TENM2: variants seen among roughly 807,000 people sequenced by gnomAD.
TENM2 encodes teneurin-2.
TENM2 carries 52 observed loss-of-function variants against 245.2 expected under a neutral mutation model. That is an observed-to-expected ratio of 0.21 (90% CI 0.17 to 0.27). The LOEUF (loss-of-function observed/expected upper bound fraction) is 0.27, where lower values mean the gene tolerates loss of function less well. Among genes scored for constraint, TENM2 ranks in the 10% least tolerant of loss-of-function variants. The pLI, the probability that TENM2 is intolerant of heterozygous loss-of-function variation, is 1.00. For missense variants in TENM2, 3,046 were observed against 3,666.8 expected, an observed-to-expected ratio of 0.83 and a Z score of 4.37; for synonymous variants, 1,363 against 1,438.9, an observed-to-expected ratio of 0.95 and a Z score of 1.19.
At chr5:168,041,403 A>G (rs1483008280) in intron 5 of TENM2, among the ~76,000 whole-genome samples, 1 of 151,704 alleles carries the variant, frequency 6.6e-6, no homozygotes, top group Admixed American at 6.6e-5. Context: ...AAAGGCAACT[A>G]CTCCTTCACC....
chr5:168,075,037 C>T (rs1348990927), intron 7 of TENM2, among the ~76,000 whole-genome samples: 1 of 152,144 alleles, frequency 6.6e-6, no homozygotes, highest in East Asian at 1.9e-4. Flanking sequence ...ACCCATCACC[C>T]AAGCAGTGTA....
chr5:168,022,497 G>A (rs928924151), intron 5 of TENM2, among the ~76,000 whole-genome samples: 79 of 152,230 alleles, frequency 5.2e-4, no homozygotes, highest in Admixed American at 1.8e-3. Context: ...ATGAGGCGCT[G>A]CATCCGGCTT....
chr5:167,530,318 G>C (rs1771405449), intron 2 of TENM2, among the ~76,000 whole-genome samples: 1 of 152,338 alleles, frequency 6.6e-6, no homozygotes, highest in Admixed American at 6.5e-5. Context: ...AATAAAGCTA[G>C]GGTGGGCCAC....
At chr5:167,731,027 G>C (rs544764098) in intron 2 of TENM2, among the ~76,000 whole-genome samples, 1 of 151,006 alleles carries the variant, frequency 6.6e-6, no homozygotes, top group Admixed American at 6.6e-5. Context: ...CTGTGTAGAT[G>C]TGGATGCAAG....
chr5:166,986,251 G>A, the TENM2 span, among the ~76,000 whole-genome samples: 6 of 152,172 alleles, frequency 3.9e-5, no homozygotes, highest in Non-Finnish European at 5.9e-5. Flanking sequence ...GCCTTAGAGT[G>A]TAAGGACATA....
At chr5:167,140,668 G>A in the TENM2 span, among the ~76,000 whole-genome samples, 1 of 152,082 alleles carries the variant, frequency 6.6e-6, no homozygotes, top group African/African-American at 2.4e-5. Context: ...GTAGGATAGG[G>A]GTGAGCGCAA....
chr5:167,559,016 A>T (rs1294299378), intron 2 of TENM2, among the ~76,000 whole-genome samples: 1 of 152,214 alleles, frequency 6.6e-6, no homozygotes, highest in Non-Finnish European at 1.5e-5. Context: ...AACAGTGTTG[A>T]TCTATACATC....
rs1278359940 is a variant in TENM2 at position 167,394,904 on chromosome 5, A to G, written c.502+19431A>G. Among the ~76,000 whole-genome samples, 4 of 152,268 alleles carry G rather than the reference A, an allele frequency of 2.6e-5. No homozygotes were observed. The East Asian group carries it at 7.7e-4, about 29-fold the overall frequency. On this transcript the variant is annotated intron_variant, in intron 2 of 28. Transcript: ENST00000518659. ...GAGCCATCAGGCCAGGCTGTAATGT[A>G]TTTTAAAATCAGGACATGTGATGCC...
the TENM2 span, among the ~76,000 whole-genome samples, chr5:167,186,636 G>A: frequency 6.6e-6 from 1 of 152,192 alleles, no homozygotes; most frequent in Non-Finnish European, 1.5e-5. Flanking sequence ...AAAAAAGCAC[G>A]TGGGTCTTCC....
intron 2 of TENM2, among the ~76,000 whole-genome samples, chr5:167,387,403 T>A (rs535198605): frequency 6.6e-6 from 1 of 152,296 alleles, no homozygotes; most frequent in South Asian, 2.1e-4. Context: ...TTGGATCAGT[T>A]CTAGGAGCTT....
At chr5:167,233,205 T>A in the TENM2 span, among the ~76,000 whole-genome samples, 1 of 152,304 alleles carries the variant, frequency 6.6e-6, no homozygotes, top group East Asian at 1.9e-4. Flanking sequence ...AGGAATTAGA[T>A]AAATATTTTC....
the TENM2 span, among the ~76,000 whole-genome samples, chr5:167,108,582 G>T: frequency 2.0e-5 from 3 of 152,194 alleles, no homozygotes; most frequent in African/African-American, 7.2e-5. Flanking sequence ...AAAATCTGCA[G>T]TTTCGTCAGT....
intron 4 of TENM2, among the ~76,000 whole-genome samples, chr5:167,955,039 C>T (rs1170010070): frequency 6.6e-6 from 1 of 152,194 alleles, no homozygotes; most frequent in Non-Finnish European, 1.5e-5. Flanking sequence ...TGAGGAATCA[C>T]CACACTGTCT....
At chr5:167,993,458 A>C (rs930209185) in intron 5 of TENM2, among the ~76,000 whole-genome samples, 11 of 152,198 alleles carry the variant, frequency 7.2e-5, no homozygotes, top group African/African-American at 2.7e-4. Context: ...GAGACTTTTC[A>C]TTCCCGCAAA....
At chr5:168,198,983 A>G (rs751050478) in exon 16 of TENM2, 2 of 1,614,010 alleles carry the variant, frequency 1.2e-6, no homozygotes, top group Non-Finnish European at 1.7e-6. Flanking sequence ...GGTGATGAAG[A>G]CCGAGGAGAA....
chr5:167,421,560 C>T (rs1339293271), intron 2 of TENM2, among the ~76,000 whole-genome samples: 1 of 152,104 alleles, frequency 6.6e-6, no homozygotes, highest in Non-Finnish European at 1.5e-5. Context: ...GTTCAATGGG[C>T]ATTGTAATGT....
intron 3 of TENM2, among the ~76,000 whole-genome samples, chr5:167,907,526 T>A (rs1479236196): frequency 2.7e-4 from 1 of 3,698 alleles, no homozygotes. Context: ...TCACCCTAAA[T>A]ATATATATAT....
intron 2 of TENM2, among the ~76,000 whole-genome samples, chr5:167,688,201 C>T (rs1364013095): frequency 6.6e-6 from 1 of 152,290 alleles, no homozygotes; most frequent in East Asian, 1.9e-4. Flanking sequence ...TCTCTTACCC[C>T]TCTGTCATAC....
intron 4 of TENM2, chr5:167,965,499 T>C (rs951749837): frequency 1.3e-5 from 2 of 152,080 alleles, no homozygotes; most frequent in African/African-American, 4.8e-5. Flanking sequence ...GAAGAATCTC[T>C]TGAGCCCAGG....
Sources: allele counts gnomAD v4.1 joint callset (sites outside exome capture counted in the v4.1 genomes callset), GRCh38; gene constraint gnomAD v4.1.1; transcripts MANE v1.5; gene names NCBI Gene and HGNC (gene_info 2026-07-23, HGNC 2026-07-21).